The following ADNP2 variants were observed in gnomAD, a reference collection of about 807,000 sequenced individuals.
ADNP2 encodes the protein ADNP homeobox 2.
Under a neutral mutation model 16.4 loss-of-function variants are expected in ADNP2, and 8 were observed. That is an observed-to-expected ratio of 0.49 (90% CI 0.29 to 0.88). ADNP2 has a LOEUF of 0.88. ADNP2 is among the 40% of genes least tolerant of loss of function. The probability of loss-of-function intolerance (pLI) is 0.09; values close to 1 mark genes in which losing one functional copy is unlikely to be tolerated. For synonymous variants in ADNP2, 637 were observed against 545.8 expected, an observed-to-expected ratio of 1.17 and a Z score of -2.33; for missense variants, 1,397 against 1,395.1, an observed-to-expected ratio of 1.00 and a Z score of -0.02.
At chr18:80,125,249 T>C (rs2052450338) in intron 2 of ADNP2, among the ~76,000 whole-genome samples, 1 of 152,274 alleles carries the variant, frequency 6.6e-6, no homozygotes, top group South Asian at 2.1e-4. Flanking sequence ...TGGCGCCAGG[T>C]GCAATGGTAA....
rs1192576456 is a variant in ADNP2, at chr18:80,109,479, ACGGCCCGGCC to A, written c.-14+12_-14+21del. On this transcript the variant is annotated splice_region_variant and intron_variant, in intron 1 of 3. Coordinates refer to ENST00000262198, the MANE Select transcript of ADNP2 (RefSeq NM_014913.4). Reference sequence around the variant, plus strand: ...GCTCCTCGGGCGCCAAGCGGTAGGTACGGCCCGGCCCGGCGCGGGCCCGCGCGGCGACGCC... The same window carrying A: ...GCTCCTCGGGCGCCAAGCGGTAGGTACGGCGCGGGCCCGCGCGGCGACGCC... 6.8e-6 allele frequency: 1 copy of A among 147,508 alleles called. No homozygotes were observed. Among genetic ancestry groups the A allele is most frequent in the African/African-American group, 2.4e-5 (1 of 40,864 alleles). The allele number at this position is 147,508 out of a possible 1,614,324, so 9.1% of individuals were successfully genotyped here. A position where few individuals can be genotyped will look rare whatever the true frequency, so the allele number is the denominator to read the frequency against.
In ADNP2 at chr18:80,137,558, G is replaced by T. The variant is rs117499189; in HGVS notation, c.2145G>T (p.Ala715=). 2 of 1,614,126 alleles carry T rather than the reference G, an allele frequency of 1.2e-6. No homozygotes were observed. Among genetic ancestry groups the T allele is most frequent in the African/African-American group, 2.7e-5 (2 of 74,932 alleles). The change falls in exon 4 of 4, where the codon GCG becomes GCT. Residue 715 remains alanine, a synonymous_variant. Coordinates refer to ENST00000262198, the MANE Select transcript of ADNP2 (RefSeq NM_014913.4). This position sits in a 1 kb window ranked among gnomAD's most constrained non-coding sequence, Gnocchi z 4.2. The part of the protein sequence containing the change: ...SNVYQVHMEV[A]HKHSESKSGE... ...TCTACCAGGTCCACATGGAGGTAGC[G>T]CATAAGCACAGCGAGTCCAAGTCTG... is the stretch of plus-strand genomic sequence containing the variant.
At chr18:80,117,769 A>C in intron 2 of ADNP2, 119 bp downstream of exon 2, 1 of 697,278 alleles carries the variant, frequency 1.4e-6, no homozygotes, top group Non-Finnish European at 2.4e-6. Flanking sequence ...GGCTGTGTGA[A>C]AGCCTCATTA....
rs2052563437 is a variant in ADNP2, at chr18:80,138,965, AC to A, written c.*158del. On this transcript the variant is annotated 3_prime_UTR_variant, in exon 4 of 4. Coordinates refer to ENST00000262198, the MANE Select transcript of ADNP2 (RefSeq NM_014913.4). Reference sequence around the variant, plus strand: ...TTCAGGTGCTGGAGAGACCCCTGTTACCAGGAAGCCAGTAGTTATTTCACAT... The same window carrying A: ...TTCAGGTGCTGGAGAGACCCCTGTTACAGGAAGCCAGTAGTTATTTCACAT... 3 of 579,206 alleles carry A rather than the reference AC, an allele frequency of 5.2e-6. No homozygotes were observed. In the African/African-American group the frequency reaches 5.8e-5, roughly 11 times the overall value. 35.9% of individuals were successfully genotyped at this position (579,206 alleles called of 1,614,324 possible).
Position 80,138,339 on chromosome 18 carries a change from G to C in ADNP2, c.2926G>C (p.Val976Leu). ...GEVMHDSSFS[V>L]KRKLPDGHLG... is the part of the protein sequence containing the mutation. Reference sequence around the variant, plus strand: ...AGTGATGCATGATTCCAGTTTTTCTGTTAAGAGAAAGCTGCCTGACGGCCA... The same window carrying C: ...AGTGATGCATGATTCCAGTTTTTCTCTTAAGAGAAAGCTGCCTGACGGCCA... The change falls in exon 4 of 4, where the codon GTT becomes CTT. Residue 976 changes from valine (V) to leucine (L), a missense_variant. Val to Leu is a conservative substitution (Grantham distance 32, BLOSUM62 1). Transcript: ENST00000262198. The C allele has an allele frequency of 1.2e-6, 2 of 1,614,132 alleles. No homozygotes were observed. Among genetic ancestry groups the C allele is most frequent in the African/African-American group, 2.7e-5 (2 of 75,064 alleles).
At chr18:80,121,385 T>C (rs1246889235) in intron 2 of ADNP2, among the ~76,000 whole-genome samples, 1 of 152,240 alleles carries the variant, frequency 6.6e-6, no homozygotes, top group Non-Finnish European at 1.5e-5. Context: ...TGTTTTTTAA[T>C]TGGGTTGTTT....
chr18:80,121,332 G>A (rs2052423480), intron 2 of ADNP2, among the ~76,000 whole-genome samples: 1 of 152,116 alleles, frequency 6.6e-6, no homozygotes, highest in African/African-American at 2.4e-5. Flanking sequence ...TAAGCCATTT[G>A]TATATCTTCT....
chr18:80,137,134 A>G lies in ADNP2; in HGVS notation c.1721A>G (p.Asn574Ser), dbSNP rs2052544753. 9 of 1,614,162 alleles carry G rather than the reference A, an allele frequency of 5.6e-6. No homozygotes were observed. Among genetic ancestry groups the G allele is most frequent in the South Asian group, 3.3e-5 (3 of 91,088 alleles). The change falls in exon 4 of 4, where the codon AAC (asparagine) becomes AGC (serine). Residue 574 changes from asparagine to serine, a missense_variant. Coordinates refer to ENST00000262198, the MANE Select transcript of ADNP2 (RefSeq NM_014913.4). This position sits in a 1 kb window ranked among gnomAD's most constrained non-coding sequence, Gnocchi z 4.2. ...VLQLNQTVGT[N>S]ILPVNQPVRP... Reference sequence around the variant, plus strand: ...CAACTCAACCAGACTGTGGGCACCAACATTCTGCCTGTGAATCAGCCAGTG... The same window carrying G: ...CAACTCAACCAGACTGTGGGCACCAGCATTCTGCCTGTGAATCAGCCAGTG...
intron 1 of ADNP2, among the ~76,000 whole-genome samples, chr18:80,112,181 T>G (rs992755819): frequency 6.6e-6 from 1 of 152,196 alleles, no homozygotes; most frequent in African/African-American, 2.4e-5. Context: ...TATGAAAACA[T>G]TGAACTATTT....
chr18:80,124,455 A>G (rs1320291197), intron 2 of ADNP2, among the ~76,000 whole-genome samples: 1 of 152,198 alleles, frequency 6.6e-6, no homozygotes, highest in Non-Finnish European at 1.5e-5. Flanking sequence ...TATGACAAAG[A>G]AAGGATGTTA....
At chr18:80,114,813 A>G (rs2052379064) in intron 1 of ADNP2, among the ~76,000 whole-genome samples, 1 of 152,006 alleles carries the variant, frequency 6.6e-6, no homozygotes, top group Non-Finnish European at 1.5e-5. Flanking sequence ...GCAGGGGGTG[A>G]CTTGACAGCT....
At chr18:80,132,735 CTTTCTTCT>C (rs1426265403) in intron 2 of ADNP2, among the ~76,000 whole-genome samples, 1 of 149,490 alleles carries the variant, frequency 6.7e-6, no homozygotes, top group Non-Finnish European at 1.5e-5. Flanking sequence ...CTCTCTCTCT[CTTTCTTCT>C]TTTCTTTTTC....
At chr18:80,109,882 A>T (rs1356443514) in intron 1 of ADNP2, 1 of 152,018 alleles carries the variant, frequency 6.6e-6, no homozygotes, top group African/African-American at 2.4e-5. Flanking sequence ...GATGGAGAAG[A>T]AGAGAGGGGG....
rs374515323 is a variant in ADNP2, at chr18:80,138,044, C to T, written c.2631C>T (p.Cys877=). Residue 877 remains cysteine, a synonymous_variant, in exon 4 of 4, where the codon TGC becomes TGT. Transcript: ENST00000262198. ...GCACCGGCAAGCGAGTGTCCACCTGCCCCTTTTGCTTTGGCCCCTTTGTGA... is the reference window on the plus strand; with the variant it reads ...GCACCGGCAAGCGAGTGTCCACCTGTCCCTTTTGCTTTGGCCCCTTTGTGA... ...PGSTGKRVST[C]PFCFGPFVTT... 4 of 1,613,676 alleles carry T rather than the reference C, an allele frequency of 2.5e-6. No homozygotes were observed. The highest frequency in any genetic ancestry group is 2.7e-5 in the African/African-American group (2 of 74,920).
intron 2 of ADNP2, among the ~76,000 whole-genome samples, chr18:80,119,436 C>T (rs1285275780): frequency 6.8e-6 from 1 of 148,078 alleles, no homozygotes; most frequent in Non-Finnish European, 1.5e-5. Context: ...AAAAAAAATC[C>T]AAGCTGACTG....
intron 3 of ADNP2, among the ~76,000 whole-genome samples, chr18:80,134,418 TGA>T (rs1555730307): frequency 4.5e-4 from 61 of 136,446 alleles, no homozygotes; most frequent in Non-Finnish European, 6.3e-4. Flanking sequence ...TGTGTGTGTG[TGA>T]GAGAGAGTGA....
intron 2 of ADNP2, among the ~76,000 whole-genome samples, chr18:80,126,091 T>C (rs1352095358): frequency 6.6e-6 from 1 of 152,180 alleles, no homozygotes; most frequent in Non-Finnish European, 1.5e-5. Flanking sequence ...TTTTCACTCT[T>C]TTTCTGCTCT....
intron 3 of ADNP2, among the ~76,000 whole-genome samples, chr18:80,133,446 C>T (rs550976136): frequency 3.3e-5 from 5 of 152,314 alleles, no homozygotes; most frequent in Admixed American, 2.6e-4. Flanking sequence ...TATAAGATAT[C>T]ATTGCTGTAA....
In ADNP2 at chr18:80,138,919, T is replaced by C. The variant is rs2052563062; in HGVS notation, c.*110T>C. 1 of 1,039,102 alleles carries C rather than the reference T, an allele frequency of 9.6e-7. No homozygotes were observed. The highest frequency in any genetic ancestry group is 3.3e-5 in the Admixed American group (1 of 29,872). 64.4% of individuals were successfully genotyped at this position (1,039,102 alleles called of 1,614,324 possible). ...TTGGTGAATCAACCTCAGTGGTCAC[T>C]GTGCTGCTCTGCAGAGTTACTTCAG... is the stretch of plus-strand genomic sequence containing the variant. On this transcript the variant is annotated 3_prime_UTR_variant, in exon 4 of 4. Transcript: ENST00000262198.
Sources: gnomAD v4.1 joint callset for allele counts (sites outside exome capture counted in the v4.1 genomes callset) on GRCh38, gnomAD v4.1.1 for gene constraint, Gnocchi (gnomAD v3.1) non-coding constraint, MANE v1.5 for transcripts, NCBI Gene and HGNC (gene_info 2026-07-23, HGNC 2026-07-21) for gene names.